Variants in FHOD3 observed in about 807,000 individuals in gnomAD.
FHOD3 encodes the protein formin homology 2 domain containing 3, also known as FH1/FH2 domain-containing protein 3.
A neutral mutation model predicts 173.0 loss-of-function variants in FHOD3; 90 were observed. The observed-to-expected ratio is 0.52, with a 90% CI of 0.44 to 0.62. The LOEUF (loss-of-function observed/expected upper bound fraction) is 0.62, where lower values mean the gene tolerates loss of function less well. Ranked by LOEUF, FHOD3 falls within the 20% of genes least tolerant of loss-of-function variation. The probability of loss-of-function intolerance (pLI) is 0.00; values close to 1 mark genes in which losing one functional copy is unlikely to be tolerated. For synonymous variants in FHOD3, 828 were observed against 823.0 expected, an observed-to-expected ratio of 1.01 and a Z score of -0.10; for missense variants, 1,945 against 2,034.7, an observed-to-expected ratio of 0.96 and a Z score of 0.85.
At chr18:36,563,168 A>T (rs2058148934) in intron 5 of FHOD3, among the ~76,000 whole-genome samples, 2 of 152,226 alleles carry the variant, frequency 1.3e-5, no homozygotes, top group East Asian at 3.8e-4. Flanking sequence ...AAATAGAGAG[A>T]AGTACAGAAT....
At chr18:36,637,623 A>G (rs2034985817) in intron 10 of FHOD3, among the ~76,000 whole-genome samples, 2 of 152,358 alleles carry the variant, frequency 1.3e-5, no homozygotes, top group South Asian at 4.1e-4. Flanking sequence ...CATGAACCTT[A>G]CAAAACATAC....
intron 9 of FHOD3, among the ~76,000 whole-genome samples, chr18:36,617,375 G>A (rs535702698): frequency 1.5e-4 from 23 of 152,220 alleles, no homozygotes; most frequent in African/African-American, 3.9e-4. Context: ...AAATGGAATC[G>A]TATCTTTTGA....
At chr18:36,413,180 T>C (rs1160361797) in intron 3 of FHOD3, among the ~76,000 whole-genome samples, 4 of 152,136 alleles carry the variant, frequency 2.6e-5, no homozygotes, top group East Asian at 1.9e-4. Context: ...TGTTGTCAGG[T>C]TGTGTTTGGA....
At chr18:36,588,616 A>AT (rs2059116711) in intron 6 of FHOD3, among the ~76,000 whole-genome samples, 1 of 152,106 alleles carries the variant, frequency 6.6e-6, no homozygotes, top group Admixed American at 6.6e-5. Context: ...GAATTTGAAG[A>AT]TTTTTTGGAA....
chr18:36,604,852 A>C (rs987117329), intron 8 of FHOD3, among the ~76,000 whole-genome samples: 61 of 152,246 alleles, frequency 4.0e-4, no homozygotes, highest in African/African-American at 1.4e-3. Flanking sequence ...AATTGTTTAC[A>C]AAAAGAAAGG....
At chr18:36,576,355 A>G (rs974853082) in intron 5 of FHOD3, 96 bp from the exon 6 acceptor site, 7 of 764,804 alleles carry the variant, frequency 9.2e-6, no homozygotes, top group African/African-American at 9.0e-5. Flanking sequence ...CATACTGTGT[A>G]CTTAAAGTAT....
In FHOD3 at chr18:36,385,578, G is replaced by A. The variant is rs2047991162; in HGVS notation, c.337+12834G>A. Among the ~76,000 whole-genome samples the A allele has an allele frequency of 2.6e-5, 4 of 152,006 alleles. No homozygotes were observed. In the South Asian group the frequency reaches 8.3e-4, roughly 32 times the overall value. On this transcript the variant is annotated intron_variant, in intron 3 of 28. Coordinates refer to ENST00000590592, the MANE Select transcript of FHOD3 (RefSeq NM_001281740.3). ...TGCCTGGCTAATTTTCATATTTTTCGTAGAGACAGGGTTTCACCATATTGA... is the reference window on the plus strand; with the variant it reads ...TGCCTGGCTAATTTTCATATTTTTCATAGAGACAGGGTTTCACCATATTGA...
intron 1 of FHOD3, among the ~76,000 whole-genome samples, chr18:36,340,856 C>G (rs2045577571): frequency 6.6e-6 from 1 of 152,128 alleles, no homozygotes; most frequent in South Asian, 2.1e-4. Flanking sequence ...CCAGGATGGT[C>G]TCGATCTCCT....
chr18:36,454,033 C>T (rs1467841303), intron 3 of FHOD3, among the ~76,000 whole-genome samples: 4 of 152,110 alleles, frequency 2.6e-5, no homozygotes, highest in Non-Finnish European at 5.9e-5. Context: ...GGCGCTCTTT[C>T]TTTTATTTTA....
intron 3 of FHOD3, among the ~76,000 whole-genome samples, chr18:36,500,095 G>C (rs988533779): frequency 6.6e-6 from 1 of 152,190 alleles, no homozygotes; most frequent in African/African-American, 2.4e-5. Context: ...CAAGGGAGGG[G>C]GCTGTGTGAC....
Position 36,559,087 on chromosome 18 carries a change from C to T in FHOD3, c.512-17364C>T, listed in dbSNP as rs148432016. 1.5e-3 allele frequency among the ~76,000 whole-genome samples: 233 copies of T among 152,326 alleles called. 1 individual carries two copies. Among genetic ancestry groups the T allele is most frequent in the African/African-American group, 5.4e-3 (223 of 41,572 alleles). On this transcript the variant is annotated intron_variant, in intron 5 of 28. Transcript: ENST00000590592. ...CACCTATTGTAGTATCTTCTCTCTC[C>T]TGACGTTCTCCTTAGACCACTGTCA...
chr18:36,612,893 C>A (rs1344125584), intron 9 of FHOD3, among the ~76,000 whole-genome samples: 1 of 152,166 alleles, frequency 6.6e-6, no homozygotes, highest in Admixed American at 6.5e-5. Flanking sequence ...TGCATTCTAC[C>A]AACACTCTGC....
Position 36,740,665 on chromosome 18 carries a change from A to G in FHOD3, c.3586A>G (p.Thr1196Ala), listed in dbSNP as rs1182988689. The change falls in exon 21 of 29, where the codon ACG (threonine) becomes GCG (alanine). Residue 1196 changes from threonine to alanine, a missense_variant. Transcript: ENST00000590592. ...LNKEGIEKILTMIPTDEEKQK... is the reference protein window; with the variant it reads ...LNKEGIEKILAMIPTDEEKQK... ...CATCTCCTATTTCCAGAAAATTCTA[A>G]CGATGATTCCCACCGATGAGGAGAA... 1.9e-5 allele frequency: 31 copies of G among 1,613,306 alleles called. No homozygotes were observed. Among genetic ancestry groups the G allele is most frequent in the Non-Finnish European group, 2.2e-5 (26 of 1,179,786 alleles).
intron 7 of FHOD3, among the ~76,000 whole-genome samples, chr18:36,599,544 G>A (rs1288106167): frequency 2.0e-5 from 3 of 152,220 alleles, no homozygotes; most frequent in African/African-American, 7.2e-5. Context: ...TGTTTATGTA[G>A]TATGTGAAAA....
At chr18:36,673,154 G>A (rs2037642064) in intron 14 of FHOD3, among the ~76,000 whole-genome samples, 1 of 152,126 alleles carries the variant, frequency 6.6e-6, no homozygotes, top group Non-Finnish European at 1.5e-5. Context: ...TGGGCAGTGG[G>A]TTTGTTCTGT....
rs112074003 is a variant in FHOD3 at position 36,546,026 on chromosome 18, G to T, written c.512-30425G>T. On this transcript the variant is annotated intron_variant, in intron 5 of 28. Transcript: ENST00000590592. ...TTGCCGTTTGGAAAACAACCAGTATGAAATCCTTCTCGAATCTGTGGGTGT... is the reference window on the plus strand; with the variant it reads ...TTGCCGTTTGGAAAACAACCAGTATTAAATCCTTCTCGAATCTGTGGGTGT... Among the ~76,000 whole-genome samples the T allele has an allele frequency of 1.7e-3, 261 of 152,362 alleles. 3 individuals are homozygous for T. The highest frequency in any genetic ancestry group is 5.9e-3 in the African/African-American group (244 of 41,582).
At chr18:36,751,704 A>G (rs2042409666) in intron 24 of FHOD3, among the ~76,000 whole-genome samples, 1 of 152,172 alleles carries the variant, frequency 6.6e-6, no homozygotes, top group Non-Finnish European at 1.5e-5. Context: ...AATTTTATTG[A>G]AAGCCTTTTC....
intron 3 of FHOD3, among the ~76,000 whole-genome samples, chr18:36,448,706 G>A (rs2051646069): frequency 7.2e-6 from 1 of 139,352 alleles, no homozygotes; most frequent in African/African-American, 2.8e-5. Context: ...GGCCAGTGAG[G>A]GTCCAGTTGT....
rs767530064 is a variant in FHOD3, at chr18:36,760,702, C to T, written c.4544C>T (p.Ala1515Val). ...GCGGCTGAGCACGAGAACATGAAGG[C>T]TGTGCTGAAAACCTCGTCCCCCTCC... ...EDAAEHENMK[A>V]VLKTSSPSVE... is the part of the protein sequence containing the mutation. Residue 1515 changes from alanine to valine, a missense_variant, in exon 27 of 29, where the codon GCT (alanine) becomes GTT (valine). Physicochemically the swap from Ala to Val is moderately conservative, Grantham distance 64. Transcript: ENST00000590592. The T allele has an allele frequency of 6.2e-7, 1 of 1,613,326 alleles. No individual in the cohort carries two copies. Among genetic ancestry groups the T allele is most frequent in the South Asian group, 1.1e-5 (1 of 91,080 alleles).
Sources: gnomAD v4.1 joint callset for allele counts (sites outside exome capture counted in the v4.1 genomes callset) on GRCh38, gnomAD v4.1.1 for gene constraint, MANE v1.5 for transcripts, NCBI Gene and HGNC (gene_info 2026-07-23, HGNC 2026-07-21) for gene names.